DOCK3: variants seen among roughly 807,000 people sequenced by gnomAD.
The protein encoded by DOCK3 is dedicator of cytokinesis protein 3.
DOCK3 carries 60 observed loss-of-function variants against 265.6 expected under a neutral mutation model. The observed-to-expected ratio is 0.23, with a 90% CI of 0.18 to 0.28. The LOEUF is 0.28. DOCK3 is among the 10% of genes least tolerant of loss of function. The pLI is 1.00. For synonymous variants in DOCK3, 881 were observed against 938.0 expected, an observed-to-expected ratio of 0.94 and a Z score of 1.11; for missense variants, 1,981 against 2,594.3, an observed-to-expected ratio of 0.76 and a Z score of 5.14.
chr3:50,834,186 GA>G (rs2045367410), intron 2 of DOCK3, among the ~76,000 whole-genome samples: 1 of 151,828 alleles, frequency 6.6e-6, no homozygotes, highest in Admixed American at 6.6e-5. Context: ...CTGCATTCAA[GA>G]GCACCTGTCA....
chr3:50,909,219 G>C (rs1438970922), intron 4 of DOCK3, among the ~76,000 whole-genome samples: 1 of 152,054 alleles, frequency 6.6e-6, no homozygotes, highest in East Asian at 1.9e-4. Context: ...TAACATTTAA[G>C]TTTAATACTG....
chr3:50,697,043 C>T (rs954256262), intron 1 of DOCK3, among the ~76,000 whole-genome samples: 2 of 151,628 alleles, frequency 1.3e-5, no homozygotes, highest in Non-Finnish European at 2.9e-5. Flanking sequence ...CAATCCTCCC[C>T]CTTCAGCCTC....
rs1433732904 is a variant in DOCK3 at position 51,374,942 on chromosome 3, T to TCTGGAAGATG, written c.5412+356_5412+365dup. Reference sequence around the variant, plus strand: ...GAGAAGGCAGTGGTGGACACATTGGTCTGGAAGATGTTCTTCCTCCCTATT... The same window carrying TCTGGAAGATG: ...GAGAAGGCAGTGGTGGACACATTGGTCTGGAAGATGCTGGAAGATGTTCTTCCTCCCTATT... On this transcript the variant is annotated intron_variant, in intron 50 of 52. Coordinates refer to ENST00000266037, the MANE Select transcript of DOCK3 (RefSeq NM_004947.5). The surrounding 1 kb of genome is among the most constrained non-coding windows in gnomAD (Gnocchi z 4.8). Among the ~76,000 whole-genome samples the TCTGGAAGATG allele has an allele frequency of 6.6e-6, 1 of 152,250 alleles. No homozygotes were observed. The highest frequency in any genetic ancestry group is 1.5e-5 in the Non-Finnish European group (1 of 68,044).
intron 5 of DOCK3, among the ~76,000 whole-genome samples, chr3:51,053,629 G>GC (rs2081089384): frequency 6.6e-6 from 1 of 151,876 alleles, no homozygotes; most frequent in Non-Finnish European, 1.5e-5. Context: ...CACCGTGTCA[G>GC]CAAGGATGGT....
intron 32 of DOCK3, among the ~76,000 whole-genome samples, chr3:51,326,501 C>T (rs193093522): frequency 2.1e-4 from 32 of 152,170 alleles, no homozygotes; most frequent in Admixed American, 9.8e-4. Flanking sequence ...AGACTGGTCT[C>T]GAGCTCCTGA....
intron 2 of DOCK3, among the ~76,000 whole-genome samples, chr3:50,789,992 C>G (rs1363821244): frequency 1.3e-5 from 2 of 152,204 alleles, no homozygotes; most frequent in African/African-American, 4.8e-5. Context: ...CTCGGCTTCC[C>G]AAACTGTTGA....
intron 1 of DOCK3, among the ~76,000 whole-genome samples, chr3:50,722,079 T>G (rs1297490382): frequency 1.3e-5 from 2 of 152,126 alleles, no homozygotes; most frequent in African/African-American, 2.4e-5. Flanking sequence ...GGTTTTTACT[T>G]AAGTGCATGG....
rs571464996 is a variant in DOCK3 at position 51,070,070 on chromosome 3, A to G, written c.465-5286A>G. ...CAAAGTCCTGTCAAGTTTATGTTCA[A>G]TCGACTGACTAACACACACTGTTAC... On this transcript the variant is annotated intron_variant, in intron 6 of 52. Transcript: ENST00000266037. Among the ~76,000 whole-genome samples, 14 of 152,272 alleles carry G rather than the reference A, an allele frequency of 9.2e-5. 2 individuals carry two copies. Among genetic ancestry groups the G allele is most frequent in the East Asian group, 1.9e-4 (1 of 5,178 alleles).
At chr3:51,251,499 C>T (rs111979615) in intron 22 of DOCK3, among the ~76,000 whole-genome samples, 5,148 of 152,252 alleles carry the variant, frequency 0.034, 315 homozygotes, top group African/African-American at 0.12. Flanking sequence ...AGTGTAAAAG[C>T]GTTCCTATTT....
At chr3:51,319,128 A>G (rs2083530471) in intron 32 of DOCK3, among the ~76,000 whole-genome samples, 1 of 152,204 alleles carries the variant, frequency 6.6e-6, no homozygotes, top group African/African-American at 2.4e-5. Context: ...AGGAGAAAGT[A>G]TTCACCAGTG....
At chr3:51,042,390 A>C (rs970459728) in intron 5 of DOCK3, among the ~76,000 whole-genome samples, 1 of 152,234 alleles carries the variant, frequency 6.6e-6, no homozygotes, top group African/African-American at 2.4e-5. Flanking sequence ...GTATCCCTTC[A>C]TGTTAAAAAC....
intron 20 of DOCK3, 129 bp downstream of exon 20, chr3:51,236,557 A>C (rs1346040998): frequency 5.6e-6 from 5 of 890,588 alleles, no homozygotes; most frequent in Admixed American, 5.8e-5. Context: ...AAAGGGACTA[A>C]GGACTGTCAC....
chr3:50,691,025 G>A (rs1295247833), intron 1 of DOCK3, among the ~76,000 whole-genome samples: 1 of 151,834 alleles, frequency 6.6e-6, no homozygotes, highest in Non-Finnish European at 1.5e-5. Context: ...GCTCATGCCT[G>A]TAATCCCAGC....
chr3:50,959,914 G>A (rs1204146008), intron 5 of DOCK3, among the ~76,000 whole-genome samples: 1 of 152,130 alleles, frequency 6.6e-6, no homozygotes, highest in Non-Finnish European at 1.5e-5. Context: ...CCACATGTAA[G>A]TGATTTCATA....
intron 5 of DOCK3, among the ~76,000 whole-genome samples, chr3:50,964,615 G>A (rs2076976809): frequency 6.6e-6 from 1 of 152,098 alleles, no homozygotes; most frequent in African/African-American, 2.4e-5. Flanking sequence ...AATGAAAAGA[G>A]CATGAACTAG....
intron 4 of DOCK3, among the ~76,000 whole-genome samples, chr3:50,923,167 A>C (rs2050588315): frequency 6.6e-6 from 1 of 152,060 alleles, no homozygotes. Flanking sequence ...CCAGTTGTTG[A>C]TTGATGGGCA....
At chr3:50,814,131 G>A (rs2043924800) in intron 2 of DOCK3, among the ~76,000 whole-genome samples, 1 of 151,670 alleles carries the variant, frequency 6.6e-6, no homozygotes, top group South Asian at 2.1e-4. Flanking sequence ...TTTCTATTTT[G>A]GAATAATTTT....
In DOCK3 at chr3:51,064,549, G is replaced by A. The variant is rs985667778; in HGVS notation, c.417G>A (p.Val139=). 6.8e-6 allele frequency: 11 copies of A among 1,613,894 alleles called. No homozygotes were observed. In the African/African-American group the frequency reaches 1.3e-4, roughly 20 times the overall value. The change falls in exon 6 of 53, where the codon GTG becomes GTA. Residue 139 remains valine (V), a synonymous_variant. Transcript: ENST00000266037. ...CTGGTCACCTGACTCAGGATCAGGTGCGGGAGGTTAAGCGGCACATCACCG... is the reference window on the plus strand; with the variant it reads ...CTGGTCACCTGACTCAGGATCAGGTACGGGAGGTTAAGCGGCACATCACCG... ...LLSGHLTQDQ[V]REVKRHITVR... is the part of the protein sequence containing the mutation.
At position 51,264,344 on chromosome 3, in the gene DOCK3, T is replaced by C. The variant is rs577795428; in HGVS notation, c.2355+4018T>C. On this transcript the variant is annotated intron_variant, in intron 23 of 52. Coordinates refer to ENST00000266037, the MANE Select transcript of DOCK3 (RefSeq NM_004947.5). ...TAACGAAATTAAGGCAGAGGTTCTTTGAAACCAATGAGAACAAAGACACAA... is the reference window on the plus strand; with the variant it reads ...TAACGAAATTAAGGCAGAGGTTCTTCGAAACCAATGAGAACAAAGACACAA... 2.6e-5 allele frequency among the ~76,000 whole-genome samples: 4 copies of C among 151,822 alleles called. No homozygotes were observed. The South Asian group carries it at 8.3e-4, about 32-fold the overall frequency.
Sources: gnomAD v4.1 joint callset for allele counts (sites outside exome capture counted in the v4.1 genomes callset) on GRCh38, gnomAD v4.1.1 for gene constraint, Gnocchi (gnomAD v3.1) non-coding constraint, MANE v1.5 for transcripts, NCBI Gene and HGNC (gene_info 2026-07-23, HGNC 2026-07-21) for gene names.